Variants in TIAM1 observed in about 807,000 individuals in gnomAD.
The protein encoded by TIAM1 is rho guanine nucleotide exchange factor TIAM1.
Under a neutral mutation model 163.5 loss-of-function variants are expected in TIAM1, and 65 were observed. That is an observed-to-expected ratio of 0.40 (90% CI 0.33 to 0.49). The LOEUF (loss-of-function observed/expected upper bound fraction) is 0.49, where lower values mean the gene tolerates loss of function less well. TIAM1 is among the 20% of genes least tolerant of loss of function. The pLI is 0.77. For missense variants in TIAM1, 1,789 were observed against 2,044.7 expected, an observed-to-expected ratio of 0.87 and a Z score of 2.41; for synonymous variants, 833 against 810.1, an observed-to-expected ratio of 1.03 and a Z score of -0.48.
At chr21:31,133,731 A>T (rs1273422937) in intron 23 of TIAM1, among the ~76,000 whole-genome samples, 2 of 152,192 alleles carry the variant, frequency 1.3e-5, no homozygotes, top group Admixed American at 6.5e-5. Flanking sequence ...GTGGCAAAGC[A>T]TGTGGCCTCT....
chr21:31,506,261 T>TACACACACGTACACACACAC lies in TIAM1; in HGVS notation c.-421-42227_-421-42226insGTGTGTGTGTACGTGTGTGT, dbSNP rs1556009397. Among the ~76,000 whole-genome samples the TACACACACGTACACACACAC allele has an allele frequency of 4.0e-4, 60 of 148,612 alleles. 1 individual carries two copies. Among genetic ancestry groups the TACACACACGTACACACACAC allele is most frequent in the African/African-American group, 1.4e-3 (58 of 40,288 alleles). On this transcript the variant is annotated intron_variant, in intron 1 of 28. Transcript: ENST00000286827. ...CTAAACTCACGCACTCTCACACACG[T>TACACACACGTACACACACAC]ACACACACACACACACACACATATG...
Position 31,154,370 on chromosome 21 carries a change from G to A in TIAM1, c.3048C>T (p.Asp1016=). 6.2e-7 allele frequency: 1 copy of A among 1,614,146 alleles called. No individual in the cohort carries two copies. The highest frequency in any genetic ancestry group is 1.1e-5 in the South Asian group (1 of 91,084). ...TGGAGTCCTGAGGAGATGGGCTCTG[G>A]TCAGAGGGGTTCATCTCATGCAAAC... The part of the protein sequence containing the change: ...CRSLHEMNPS[D]QSPSPQDSTG... The change falls in exon 17 of 28, where the codon GAC becomes GAT. Residue 1016 remains aspartate (D), a synonymous_variant. Transcript: ENST00000541036.
intron 2 of TIAM1, among the ~76,000 whole-genome samples, chr21:31,374,814 A>ATATATT (rs1258486467): frequency 1.3e-5 from 2 of 152,232 alleles, no homozygotes; most frequent in African/African-American, 4.8e-5. Flanking sequence ...TAATTTTGGA[A>ATATATT]TATATTTATA....
intron 6 of TIAM1, among the ~76,000 whole-genome samples, chr21:31,228,993 C>T (rs1246791580): frequency 1.3e-5 from 2 of 152,152 alleles, no homozygotes; most frequent in African/African-American, 4.8e-5. Flanking sequence ...AGGTAACCGC[C>T]CCCATGATTC....
At chr21:31,448,307 A>G (rs532050958) in intron 2 of TIAM1, among the ~76,000 whole-genome samples, 4 of 152,308 alleles carry the variant, frequency 2.6e-5, no homozygotes, top group East Asian at 3.9e-4. Context: ...AATCTAAATT[A>G]GAAGTGCAAC....
At chr21:31,418,831 T>A (rs1459490366) in intron 2 of TIAM1, among the ~76,000 whole-genome samples, 1 of 152,202 alleles carries the variant, frequency 6.6e-6, no homozygotes, top group Non-Finnish European at 1.5e-5. Context: ...GGCCTTTTGC[T>A]GCAAGCAGGG....
chr21:31,274,863 C>A (rs1185474360), intron 3 of TIAM1, among the ~76,000 whole-genome samples: 1 of 150,646 alleles, frequency 6.6e-6, no homozygotes, highest in Non-Finnish European at 1.5e-5. Flanking sequence ...AATCCCAGCA[C>A]TTTGAGAGGC....
At chr21:31,187,147 A>G in intron 13 of TIAM1, 60 bp from the exon 14 acceptor site, 2 of 1,465,158 alleles carry the variant, frequency 1.4e-6, no homozygotes, top group South Asian at 1.1e-5. Context: ...TTAGCAAACA[A>G]CAGGAAGTGC....
At chr21:31,418,865 G>A (rs1310094602) in intron 2 of TIAM1, among the ~76,000 whole-genome samples, 7 of 152,148 alleles carry the variant, frequency 4.6e-5, no homozygotes, top group Non-Finnish European at 4.4e-5. Flanking sequence ...TAGAACTACC[G>A]TTTCTTTTAC....
chr21:31,451,455 T>C (rs1213920876), intron 2 of TIAM1, among the ~76,000 whole-genome samples: 8 of 152,196 alleles, frequency 5.3e-5, no homozygotes, highest in Admixed American at 5.2e-4. Flanking sequence ...CATGACTGAG[T>C]AATCCAATTT....
intron 2 of TIAM1, among the ~76,000 whole-genome samples, chr21:31,305,875 G>A (rs1161846164): frequency 6.6e-6 from 1 of 152,100 alleles, no homozygotes; most frequent in Non-Finnish European, 1.5e-5. Flanking sequence ...AAAACGTGGT[G>A]ACTGGAGCCA....
intron 6 of TIAM1, among the ~76,000 whole-genome samples, chr21:31,236,349 G>A (rs2088757401): frequency 1.3e-5 from 2 of 152,148 alleles, no homozygotes; most frequent in Non-Finnish European, 2.9e-5. Flanking sequence ...AAAATCAAAG[G>A]TAAATATTTC....
chr21:31,254,539 C>CA (rs1050530227), intron 4 of TIAM1, among the ~76,000 whole-genome samples: 6 of 152,000 alleles, frequency 3.9e-5, no homozygotes, highest in Admixed American at 3.3e-4. Context: ...ATTAAAACTA[C>CA]AAAAAAATCA....
chr21:31,492,142 A>G (rs1420681309), intron 1 of TIAM1, among the ~76,000 whole-genome samples: 1 of 152,220 alleles, frequency 6.6e-6, no homozygotes, highest in Non-Finnish European at 1.5e-5. Context: ...AGAGAGGAAA[A>G]TGAATCTCAA....
At chr21:31,226,541 A>G (rs183184359) in intron 6 of TIAM1, among the ~76,000 whole-genome samples, 1 of 152,286 alleles carries the variant, frequency 6.6e-6, no homozygotes, top group East Asian at 1.9e-4. Flanking sequence ...CCATGTGCTA[A>G]AAGTGGCCTG....
chr21:31,541,564 T>C lies in TIAM1; in HGVS notation c.-422+17363A>G, dbSNP rs561789715. On this transcript the variant is annotated intron_variant, in intron 1 of 28. Transcript: ENST00000286827. ...AATTACAGGAGAATAGTTAAGTAAA[T>C]TATGAGCTCACTGAAATGTATGACC... 7.9e-5 allele frequency among the ~76,000 whole-genome samples: 12 copies of C among 152,298 alleles called. No homozygotes were observed. In the South Asian group the frequency reaches 1.7e-3, roughly 21 times the overall value.
chr21:31,161,057 G>T (rs1472447938), intron 16 of TIAM1: 1 of 152,068 alleles, frequency 6.6e-6, no homozygotes, highest in Admixed American at 6.6e-5. Context: ...GTGTGTGTGT[G>T]TGTGTGTGTG....
At chr21:31,214,630 T>C (rs1250802077) in intron 9 of TIAM1, among the ~76,000 whole-genome samples, 1 of 152,082 alleles carries the variant, frequency 6.6e-6, no homozygotes, top group Non-Finnish European at 1.5e-5. Context: ...AAAGATGCCA[T>C]GAAAATTAGA....
intron 1 of TIAM1, among the ~76,000 whole-genome samples, chr21:31,471,871 A>T (rs2045751856): frequency 2.4e-5 from 1 of 41,126 alleles, no homozygotes; most frequent in Admixed American, 3.2e-4. Flanking sequence ...CTCCATCTCA[A>T]ATAATAATAA....
Sources: gnomAD v4.1 joint callset for allele counts (sites outside exome capture counted in the v4.1 genomes callset) on GRCh38, gnomAD v4.1.1 for gene constraint, MANE v1.5 for transcripts, NCBI Gene and HGNC (gene_info 2026-07-23, HGNC 2026-07-21) for gene names.